CABLES1: variants seen among roughly 807,000 people sequenced by gnomAD.
The protein encoded by CABLES1 is Cdk5 and Abl enzyme substrate 1.
In CABLES1, 36 loss-of-function variants were observed where a neutral mutation model predicts 57.8. The observed-to-expected ratio is 0.62, with a 90% CI of 0.48 to 0.82. CABLES1 has a LOEUF of 0.82. CABLES1 is among the 40% of genes least tolerant of loss of function. The pLI is 0.00. For synonymous variants in CABLES1, 374 were observed against 363.0 expected, an observed-to-expected ratio of 1.03 and a Z score of -0.35; for missense variants, 767 against 836.6, an observed-to-expected ratio of 0.92 and a Z score of 1.03.
At chr18:23,253,965 G>A in intron 9 of CABLES1, 29 bp downstream of exon 9, 5 of 1,592,866 alleles carry the variant, frequency 3.1e-6, no homozygotes, top group East Asian at 2.2e-5. Flanking sequence ...GGTGGCTGGA[G>A]GAGCACATGC....
intron 7 of CABLES1, among the ~76,000 whole-genome samples, chr18:23,242,042 G>A (rs914703983): frequency 5.3e-5 from 8 of 152,184 alleles, no homozygotes; most frequent in South Asian, 4.1e-4. Context: ...TTGGAAGGCC[G>A]AGGCGGGTGG....
intron 3 of CABLES1, among the ~76,000 whole-genome samples, chr18:23,205,928 C>G (rs116355271): frequency 1.6e-3 from 247 of 152,220 alleles, no homozygotes; most frequent in Non-Finnish European, 2.5e-3. Context: ...TGGAGTGATG[C>G]TGTCACAAGC....
intron 3 of CABLES1, among the ~76,000 whole-genome samples, chr18:23,198,552 C>T (rs919041020): frequency 2.6e-5 from 4 of 152,074 alleles, no homozygotes; most frequent in African/African-American, 9.7e-5. Flanking sequence ...AATAAGCTGA[C>T]CTTTAAATGG....
At chr18:23,200,661 C>T (rs185221073) in intron 3 of CABLES1, among the ~76,000 whole-genome samples, 80 of 152,292 alleles carry the variant, frequency 5.3e-4, no homozygotes, top group African/African-American at 1.4e-3. Flanking sequence ...TAGCAGTCAA[C>T]GTGAGTTCAC....
At chr18:23,188,280 C>G (rs999886606) in intron 1 of CABLES1, among the ~76,000 whole-genome samples, 1 of 152,152 alleles carries the variant, frequency 6.6e-6, no homozygotes, top group Non-Finnish European at 1.5e-5. Flanking sequence ...TCTTTCTACC[C>G]GGTCTATGAG....
intron 2 of CABLES1, chr18:23,189,122 A>G (rs1219294048): frequency 8.0e-6 from 4 of 500,750 alleles, no homozygotes; most frequent in African/African-American, 3.9e-5. Context: ...GAGTAGCCCA[A>G]TTTGCATGGA....
At chr18:23,186,346 C>G (rs1273494263) in intron 1 of CABLES1, among the ~76,000 whole-genome samples, 1 of 152,128 alleles carries the variant, frequency 6.6e-6, no homozygotes, top group Non-Finnish European at 1.5e-5. Flanking sequence ...GTCCCTTTCT[C>G]AGTTAATTGT....
chr18:23,195,088 T>C (rs977316674), intron 3 of CABLES1, among the ~76,000 whole-genome samples: 1 of 152,236 alleles, frequency 6.6e-6, no homozygotes, highest in Non-Finnish European at 1.5e-5. Context: ...CTTCAGCTGC[T>C]CGTTTGGAAA....
At chr18:23,179,084 G>A (rs1182540729) in intron 1 of CABLES1, among the ~76,000 whole-genome samples, 5 of 152,088 alleles carry the variant, frequency 3.3e-5, no homozygotes, top group African/African-American at 4.8e-5. Context: ...CCAGGAGTTC[G>A]AGACCAGCCT....
upstream of CABLES1, among the ~76,000 whole-genome samples, chr18:23,134,962 G>A (rs1038006563): frequency 6.6e-6 from 1 of 152,152 alleles, no homozygotes; most frequent in Non-Finnish European, 1.5e-5. Context: ...CATAGGGGCT[G>A]TGGACTTACC....
At chr18:23,163,319 C>T (rs1397537048) in intron 1 of CABLES1, among the ~76,000 whole-genome samples, 3 of 151,942 alleles carry the variant, frequency 2.0e-5, no homozygotes, top group East Asian at 1.9e-4. Context: ...CAGAGCAAGG[C>T]GGATTGGAAA....
intron 1 of CABLES1, among the ~76,000 whole-genome samples, chr18:23,185,683 G>C (rs1236673687): frequency 6.6e-6 from 1 of 152,134 alleles, no homozygotes; most frequent in Non-Finnish European, 1.5e-5. Flanking sequence ...GGTGCAGATT[G>C]AACAAAACAT....
At chr18:23,157,001 G>T (rs2046970235) in intron 1 of CABLES1, among the ~76,000 whole-genome samples, 2 of 152,200 alleles carry the variant, frequency 1.3e-5, no homozygotes, top group Admixed American at 6.5e-5. Context: ...TCTGTGTGTT[G>T]GGTGACTCAA....
rs1182519391 is a variant in CABLES1 at position 23,252,950 on chromosome 18, TC to T, written c.1447-9del. On this transcript the variant is annotated splice_polypyrimidine_tract_variant and intron_variant, in intron 7 of 9. Transcript: ENST00000256925. ...TTAAGGAGTGATCCGTGTTCCCCTG[TC>T]TGTTACAGACAACAGTGATTGACTA... The T allele has an allele frequency of 1.3e-6, 2 of 1,576,572 alleles. No homozygotes were observed. The highest frequency in any genetic ancestry group is 2.7e-5 in the African/African-American group (2 of 74,298).
At chr18:23,252,910 C>A in intron 7 of CABLES1, 50 bp from the exon 8 acceptor site, 1 of 1,258,614 alleles carries the variant, frequency 7.9e-7, no homozygotes, top group Non-Finnish European at 1.2e-6. Flanking sequence ...ATAATTATTA[C>A]ATACGACCCT....
chr18:23,205,883 C>T (rs1296125169), intron 3 of CABLES1, among the ~76,000 whole-genome samples: 1 of 152,086 alleles, frequency 6.6e-6, no homozygotes, highest in Non-Finnish European at 1.5e-5. Flanking sequence ...AAAACTGGGG[C>T]TCAGAGGCAC....
chr18:23,181,496 C>CAAAAAAAAAAAAAAAAA (rs59742943), intron 1 of CABLES1, among the ~76,000 whole-genome samples: 1 of 35,398 alleles, frequency 2.8e-5, no homozygotes, highest in African/African-American at 1.0e-4. Context: ...AGCTTCGTCT[C>CAAAAAAAAAAAAAAAAA]AAAAAAAAAA....
chr18:23,156,062 C>A, intron 1 of CABLES1: 1 of 1,308,818 alleles, frequency 7.6e-7, no homozygotes, highest in Non-Finnish European at 1.1e-6. Context: ...TGAGGCTCAG[C>A]CTGGAAAAGC....
At chr18:23,187,530 G>C (rs1281289801) in intron 1 of CABLES1, among the ~76,000 whole-genome samples, 1 of 152,156 alleles carries the variant, frequency 6.6e-6, no homozygotes, top group African/African-American at 2.4e-5. Context: ...GGGACTACAG[G>C]CGCCCGCCAC....
Sources: allele counts gnomAD v4.1 joint callset (sites outside exome capture counted in the v4.1 genomes callset), GRCh38; gene constraint gnomAD v4.1.1; transcripts MANE v1.5; gene names NCBI Gene and HGNC (gene_info 2026-07-23, HGNC 2026-07-21).